Variants in LIMCH1 observed in about 807,000 individuals in gnomAD.
The protein encoded by LIMCH1 is LIM and calponin homology domains 1, also known as LIM and calponin homology domains-containing protein 1.
In LIMCH1, 113 loss-of-function variants were observed where a neutral mutation model predicts 176.5. That is an observed-to-expected ratio of 0.64 (90% CI 0.55 to 0.75). The LOEUF is 0.75. Among genes scored for constraint, LIMCH1 ranks in the 30% least tolerant of loss-of-function variants. LIMCH1 has a pLI of 0.00. For missense variants in LIMCH1, 1,674 were observed against 1,814.9 expected, an observed-to-expected ratio of 0.92 and a Z score of 1.41; for synonymous variants, 619 against 645.9, an observed-to-expected ratio of 0.96 and a Z score of 0.63.
chr4:41,610,111 C>G (rs2091250397), intron 4 of LIMCH1, among the ~76,000 whole-genome samples: 1 of 152,226 alleles, frequency 6.6e-6, no homozygotes, highest in African/African-American at 2.4e-5. Context: ...GCTTTCTACA[C>G]AGCCGTGAAT....
intron 21 of LIMCH1, chr4:41,670,799 T>C (rs1165332054): frequency 1.3e-6 from 2 of 1,535,890 alleles, no homozygotes; most frequent in Admixed American, 3.9e-5. Context: ...TCAGGTAAAC[T>C]GCATACTGGG....
chr4:41,472,880 A>G (rs1351954415), intron 1 of LIMCH1: 5 of 318,702 alleles, frequency 1.6e-5, no homozygotes, highest in Non-Finnish European at 2.3e-5. Context: ...GGATTCCCCA[A>G]GCTTACTTGA....
intron 1 of LIMCH1, among the ~76,000 whole-genome samples, chr4:41,563,004 TG>T (rs2082257012): frequency 1.3e-5 from 2 of 152,234 alleles, no homozygotes; most frequent in African/African-American, 4.8e-5. Flanking sequence ...ATTCTGAAGA[TG>T]GGTCTATTTT....
chr4:41,585,148 T>C (rs963648541), intron 1 of LIMCH1, among the ~76,000 whole-genome samples: 5 of 152,132 alleles, frequency 3.3e-5, no homozygotes, highest in Non-Finnish European at 7.3e-5. Context: ...TTGAGAACTT[T>C]TTCATCATCA....
chr4:41,612,808 T>A (rs2091593068), intron 4 of LIMCH1: 1 of 1,040,624 alleles, frequency 9.6e-7, no homozygotes, highest in Admixed American at 2.9e-5. Flanking sequence ...TGGATTCTTC[T>A]GAGGCATCAG....
chr4:41,520,569 A>G (rs1201246875), intron 2 of LIMCH1, among the ~76,000 whole-genome samples: 3 of 152,098 alleles, frequency 2.0e-5, no homozygotes, highest in Non-Finnish European at 4.4e-5. Context: ...ACAAATTCCA[A>G]AGAACAAGAA....
intron 1 of LIMCH1, among the ~76,000 whole-genome samples, chr4:41,579,887 G>T (rs183616247): frequency 6.4e-4 from 97 of 152,260 alleles, no homozygotes; most frequent in Admixed American, 1.6e-3. Flanking sequence ...CCATTTGAAG[G>T]CTTTTCTGTT....
intron 24 of LIMCH1, 110 bp downstream of exon 24, chr4:41,680,208 T>C: frequency 1.4e-6 from 1 of 720,484 alleles, no homozygotes; most frequent in Non-Finnish European, 2.4e-6. Context: ...TCTGACTCTT[T>C]ACTGACAGCA....
intron 1 of LIMCH1, among the ~76,000 whole-genome samples, chr4:41,405,652 C>T (rs1169099974): frequency 1.3e-5 from 2 of 152,062 alleles, no homozygotes; most frequent in Non-Finnish European, 2.9e-5. Context: ...GTAACTTGTG[C>T]ATAGTAGCTG....
intron 21 of LIMCH1, among the ~76,000 whole-genome samples, chr4:41,669,643 CTGATTGAT>C (rs2094947394): frequency 6.6e-6 from 1 of 152,208 alleles, no homozygotes; most frequent in Non-Finnish European, 1.5e-5. Context: ...AAAAATATCA[CTGATTGAT>C]ATGAAAATAA....
At chr4:41,524,841 TAGAG>T (rs1371700486) in intron 3 of LIMCH1, among the ~76,000 whole-genome samples, 1 of 152,096 alleles carries the variant, frequency 6.6e-6, no homozygotes, top group Non-Finnish European at 1.5e-5. Flanking sequence ...GTAGGGGAGG[TAGAG>T]AGAAAGAGAA....
At chr4:41,470,217 G>T (rs6852190) in intron 1 of LIMCH1, among the ~76,000 whole-genome samples, 72,821 of 151,938 alleles carry the variant, frequency 0.48, 20,292 homozygotes, top group African/African-American at 0.78. Flanking sequence ...CTTTGTCAAC[G>T]GATCACTTCT....
At chr4:41,502,784 T>C (rs6447078) in intron 2 of LIMCH1, among the ~76,000 whole-genome samples, 1 of 151,812 alleles carries the variant, frequency 6.6e-6, no homozygotes, top group African/African-American at 2.4e-5. Flanking sequence ...GTGGTCGGGT[T>C]GGGGGTTGAG....
intron 1 of LIMCH1, among the ~76,000 whole-genome samples, chr4:41,432,401 G>A (rs752481635): frequency 3.3e-5 from 5 of 152,170 alleles, no homozygotes; most frequent in African/African-American, 1.2e-4. Flanking sequence ...TACGTATAAC[G>A]TCAGATTCTG....
chr4:41,629,509 A>G lies in LIMCH1; in HGVS notation c.1046A>G (p.Glu349Gly), dbSNP rs1159689729. ...ATGGACAGAAACCAGGGCCACACAG[A>G]AGAGGTGAAGTTGATAGTGACCTGT... ...LEYKRNQGHT[E>G]EVKLIVTCNM... is the part of the protein sequence containing the mutation. The change falls in exon 9 of 32, where the codon GAA becomes GGA. Residue 349 changes from glutamate (E) to glycine (G), a missense_variant. By Grantham distance (98) the Glu-to-Gly change is moderately conservative. Around this residue, in one of 3 missense-constraint regions of LIMCH1, gnomAD observed 655 missense variants for 692.2 expected, o/e 0.95. Transcript: ENST00000503057. The G allele has an allele frequency of 1.3e-6, 2 of 1,535,982 alleles. No homozygotes were observed. The highest frequency in any genetic ancestry group is 1.7e-6 in the Non-Finnish European group (2 of 1,146,916).
chr4:41,567,743 G>A (rs2082961976), intron 1 of LIMCH1, among the ~76,000 whole-genome samples: 1 of 152,212 alleles, frequency 6.6e-6, no homozygotes, highest in Admixed American at 6.5e-5. Context: ...TTTATCTTTG[G>A]AAGTATTGCT....
chr4:41,601,867 C>T (rs1453487550), intron 2 of LIMCH1, among the ~76,000 whole-genome samples: 1 of 152,034 alleles, frequency 6.6e-6, no homozygotes, highest in African/African-American at 2.4e-5. Context: ...TAAAGTGGAA[C>T]TGCTATATTT....
Position 41,488,376 on chromosome 4 carries a change from A to G in LIMCH1, c.97-6160A>G, listed in dbSNP as rs1461022962. On this transcript the variant is annotated intron_variant, in intron 1 of 26. Coordinates refer to the LIMCH1 transcript ENST00000313860. ...AAAAATGCCAATATGTTTAAAGTCT[A>G]TGTTTAAAATATTAGCTTTTTAAAT... is the stretch of plus-strand genomic sequence containing the variant. Among the ~76,000 whole-genome samples, 3 of 152,338 alleles carry G rather than the reference A, an allele frequency of 2.0e-5. 1 individual carries two copies. The highest frequency in any genetic ancestry group is 6.8e-3 in the Middle Eastern group (2 of 294).
chr4:41,438,153 T>C (rs1331733266), intron 1 of LIMCH1, among the ~76,000 whole-genome samples: 2 of 152,188 alleles, frequency 1.3e-5, no homozygotes, highest in African/African-American at 4.8e-5. Context: ...TTGACCCTCA[T>C]ATTGAACAGA....
Sources: gnomAD v4.1 joint callset for allele counts (sites outside exome capture counted in the v4.1 genomes callset) on GRCh38, gnomAD v4.1.1 for gene constraint, gnomAD v4.1.1 regional missense constraint, MANE v1.5 for transcripts, NCBI Gene and HGNC (gene_info 2026-07-23, HGNC 2026-07-21) for gene names.